The following PTPRG variants were observed in gnomAD, a reference collection of about 807,000 sequenced individuals.
PTPRG encodes the protein receptor-type tyrosine-protein phosphatase gamma.
A neutral mutation model predicts 165.3 loss-of-function variants in PTPRG; 102 were observed. The ratio of observed to expected loss-of-function variants is 0.62; its 90% CI spans 0.53 to 0.73. The LOEUF (loss-of-function observed/expected upper bound fraction) is 0.73, where lower values mean the gene tolerates loss of function less well. Ranked by LOEUF, PTPRG falls within the 30% of genes least tolerant of loss-of-function variation. The pLI is 0.00. For missense variants in PTPRG, 1,866 were observed against 1,861.4 expected (o/e 1.00, Z -0.05); for synonymous variants, 675 against 669.5 (o/e 1.01, Z -0.13).
At chr3:62,002,018 A>G (rs2041182828) in intron 3 of PTPRG, among the ~76,000 whole-genome samples, 2 of 152,200 alleles carry the variant, frequency 1.3e-5, no homozygotes, top group Non-Finnish European at 2.9e-5. Context: ...AGAAACACTT[A>G]CTTTTACTTC....
Position 62,219,115 on chromosome 3 carries a change from C to G in PTPRG, c.2288+132C>G. ...CTTAAGTGTTTCTGGTCTTGCCACC[C>G]GGAAGGCCATCTTGTCTCTGTTAGA... On this transcript the variant is annotated intron_variant, in intron 13 of 29. Transcript: ENST00000474889. This position sits in a 1 kb window ranked among gnomAD's most constrained non-coding sequence, Gnocchi z 4.5. The G allele has an allele frequency of 8.1e-7, 1 of 1,238,122 alleles. No homozygotes were observed. Among genetic ancestry groups the G allele is most frequent in the Non-Finnish European group, 1.1e-6 (1 of 895,878 alleles). The allele number at this position is 1,238,122 out of a possible 1,614,324, so 76.7% of individuals were successfully genotyped here. A position where few individuals can be genotyped will look rare whatever the true frequency, so the allele number is the denominator to read the frequency against.
chr3:62,124,674 C>T lies in PTPRG; in HGVS notation c.616-7928C>T, dbSNP rs1431322518. The T allele has an allele frequency of 2.4e-5, 17 of 701,572 alleles. No individual in the cohort carries two copies. The East Asian group carries it at 3.6e-4, about 15-fold the overall frequency. The allele number at this position is 701,572 out of a possible 1,614,324, so 43.5% of individuals were successfully genotyped here. A position where few individuals can be genotyped will look rare whatever the true frequency, so the allele number is the denominator to read the frequency against. On this transcript the variant is annotated intron_variant, in intron 5 of 29. Coordinates refer to ENST00000474889, the MANE Select transcript of PTPRG (RefSeq NM_002841.4). ...GTCCTGAAGCTCAGGCCACCGCTGC[C>T]GCCTGCTGAGCTAGCTGCGCTTGGC... is the stretch of plus-strand genomic sequence containing the variant.
At chr3:62,059,138 T>G (rs1465008969) in intron 4 of PTPRG, among the ~76,000 whole-genome samples, 1 of 152,226 alleles carries the variant, frequency 6.6e-6, no homozygotes, top group African/African-American at 2.4e-5. Context: ...TAAAATTCCC[T>G]TTCCCAGTCT....
chr3:61,869,125 C>T (rs912181257), intron 2 of PTPRG, among the ~76,000 whole-genome samples: 1 of 152,142 alleles, frequency 6.6e-6, no homozygotes, highest in Non-Finnish European at 1.5e-5. Context: ...CCAGCTTTAC[C>T]ATCAGTTGCA....
chr3:61,694,727 A>G (rs2106674935), intron 1 of PTPRG, among the ~76,000 whole-genome samples: 1 of 152,368 alleles, frequency 6.6e-6, no homozygotes, highest in East Asian at 1.9e-4. Context: ...GCCATTTATA[A>G]GAAAGGAAGC....
At chr3:61,896,751 T>C (rs181560788) in intron 2 of PTPRG, among the ~76,000 whole-genome samples, 3 of 152,322 alleles carry the variant, frequency 2.0e-5, no homozygotes, top group Non-Finnish European at 2.9e-5. Context: ...TTTTTTACTT[T>C]AGCCTTTTGG....
intron 2 of PTPRG, among the ~76,000 whole-genome samples, chr3:61,767,402 C>T (rs73089559): frequency 1.1e-3 from 165 of 152,096 alleles, no homozygotes; most frequent in Non-Finnish European, 1.9e-3. Context: ...TAATTTTCCC[C>T]ATGTAGACAA....
intron 1 of PTPRG, among the ~76,000 whole-genome samples, chr3:61,734,637 C>T (rs528531153): frequency 2.2e-4 from 34 of 152,160 alleles, no homozygotes; most frequent in African/African-American, 7.5e-4. Flanking sequence ...AGGAAGAGTT[C>T]GTTTCATTTA....
rs564036582 is a variant in PTPRG at position 62,213,483 on chromosome 3, G to A, written c.2156-5368G>A. Among the ~76,000 whole-genome samples the A allele has an allele frequency of 4.6e-5, 7 of 152,168 alleles. No homozygotes were observed. Among genetic ancestry groups the A allele is most frequent in the East Asian group, 1.9e-4 (1 of 5,166 alleles). On this transcript the variant is annotated intron_variant, in intron 12 of 29. Transcript: ENST00000474889. This position sits in a 1 kb window ranked among gnomAD's most constrained non-coding sequence, Gnocchi z 4.4. The stretch of plus-strand genomic sequence containing the variant: ...TAACTTACATAGTCTGTTTTCACAC[G>A]GACGATCTTTTTTCATCCTCAGGAC...
intron 2 of PTPRG, among the ~76,000 whole-genome samples, chr3:61,966,330 A>G (rs1056253139): frequency 1.3e-5 from 2 of 152,204 alleles, no homozygotes; most frequent in African/African-American, 4.8e-5. Context: ...GAGATGAGAC[A>G]TTACTTGAGA....
At chr3:62,193,053 C>G (rs1279072293) in intron 9 of PTPRG, among the ~76,000 whole-genome samples, 1 of 152,132 alleles carries the variant, frequency 6.6e-6, no homozygotes, top group Non-Finnish European at 1.5e-5. Context: ...TTCGTGAAAT[C>G]AAAGAGGAAT....
intron 8 of PTPRG, among the ~76,000 whole-genome samples, chr3:62,179,838 G>A (rs1705579054): frequency 6.6e-6 from 1 of 152,180 alleles, no homozygotes; most frequent in South Asian, 2.1e-4. Flanking sequence ...CAAATGATCA[G>A]TTGGTTCAGA....
At position 61,686,945 on chromosome 3, in the gene PTPRG, T is replaced by C. The variant is rs113007544; in HGVS notation, c.86-61933T>C. On this transcript the variant is annotated intron_variant, in intron 1 of 29. Transcript: ENST00000474889. ...GGGAAGAGGTGAGATAAGGAGTCCATGTTTTTATACTTTGACTTTGATTTA... is the reference window on the plus strand; with the variant it reads ...GGGAAGAGGTGAGATAAGGAGTCCACGTTTTTATACTTTGACTTTGATTTA... Among the ~76,000 whole-genome samples, 423 of 152,306 alleles carry C rather than the reference T, an allele frequency of 2.8e-3. 2 individuals are homozygous for C. Among genetic ancestry groups the C allele is most frequent in the African/African-American group, 9.2e-3 (381 of 41,556 alleles).
chr3:61,843,867 C>T (rs1482315452), intron 2 of PTPRG, among the ~76,000 whole-genome samples: 1 of 151,076 alleles, frequency 6.6e-6, no homozygotes, highest in African/African-American at 2.4e-5. Flanking sequence ...TCACCAATTC[C>T]ATGCACTTAA....
At chr3:62,135,270 CAAA>C (rs527679334) in intron 6 of PTPRG, among the ~76,000 whole-genome samples, 8 of 81,086 alleles carry the variant, frequency 9.9e-5, no homozygotes, top group Admixed American at 1.3e-4. Context: ...GATTCTGTCT[CAAA>C]AAAAAAAAAA....
chr3:61,746,873 C>T (rs893660856), intron 1 of PTPRG, among the ~76,000 whole-genome samples: 12 of 152,184 alleles, frequency 7.9e-5, no homozygotes, highest in African/African-American at 2.9e-4. Flanking sequence ...AGCACTAGGG[C>T]TGGGTGCAGT....
At chr3:62,017,126 C>T (rs2041565336) in intron 4 of PTPRG, among the ~76,000 whole-genome samples, 1 of 152,172 alleles carries the variant, frequency 6.6e-6, no homozygotes, top group Non-Finnish European at 1.5e-5. Flanking sequence ...TGCTAATGAA[C>T]ATAGTCCCAT....
chr3:61,880,817 C>T (rs2037867354), intron 2 of PTPRG, among the ~76,000 whole-genome samples: 1 of 152,036 alleles, frequency 6.6e-6, no homozygotes, highest in Non-Finnish European at 1.5e-5. Flanking sequence ...ACCACGGTAA[C>T]GTGGATTAGC....
At chr3:62,277,734 A>G (rs546426662) in intron 26 of PTPRG, 55 bp downstream of exon 26, 5 of 1,598,596 alleles carry the variant, frequency 3.1e-6, no homozygotes, top group East Asian at 2.2e-5. Context: ...ACAAGCATAA[A>G]TTACTTTGAT....
Sources: allele counts gnomAD v4.1 joint callset (sites outside exome capture counted in the v4.1 genomes callset), GRCh38; gene constraint gnomAD v4.1.1; non-coding constraint Gnocchi (gnomAD v3.1); transcripts MANE v1.5; gene names NCBI Gene and HGNC (gene_info 2026-07-23, HGNC 2026-07-21).